The following COL5A2 variants were observed in gnomAD, a reference collection of about 807,000 sequenced individuals.
COL5A2 encodes collagen alpha-2(V) chain.
In COL5A2, 23 loss-of-function variants were observed where a neutral mutation model predicts 208.2. That is an observed-to-expected ratio of 0.11 (90% CI 0.08 to 0.16). The LOEUF is 0.16. Among genes scored for constraint, COL5A2 ranks in the 10% least tolerant of loss-of-function variants. The pLI is 1.00. For missense variants in COL5A2, 1,590 were observed against 1,956.4 expected (o/e 0.81, Z 3.53); for synonymous variants, 625 against 628.5 (o/e 0.99, Z 0.08).
chr2:189,343,844 C>A, the COL5A2 span, among the ~76,000 whole-genome samples: 3 of 152,130 alleles, frequency 2.0e-5, no homozygotes, highest in South Asian at 2.1e-4. Context: ...AGTTTTATAA[C>A]CTTCTGTGCC....
chr2:189,365,538 A>G, the COL5A2 span, among the ~76,000 whole-genome samples: 1 of 152,204 alleles, frequency 6.6e-6, no homozygotes, highest in Non-Finnish European at 1.5e-5. Flanking sequence ...GCTGTTTAAC[A>G]CATTAGTGCC....
At chr2:189,168,717 A>G (rs2105814491) in intron 1 of COL5A2, among the ~76,000 whole-genome samples, 1 of 152,346 alleles carries the variant, frequency 6.6e-6, no homozygotes, top group African/African-American at 2.4e-5. Flanking sequence ...GAATTCCATA[A>G]TAAAAAAAAT....
intron 13 of COL5A2, among the ~76,000 whole-genome samples, chr2:189,080,494 G>C (rs563095140): frequency 1.3e-5 from 2 of 149,040 alleles, no homozygotes; most frequent in South Asian, 4.4e-4. Context: ...TTGATATTAT[G>C]ATAGTTAGAT....
chr2:189,386,082 T>C, the COL5A2 span, among the ~76,000 whole-genome samples: 1 of 152,102 alleles, frequency 6.6e-6, no homozygotes, highest in African/African-American at 2.4e-5. Context: ...TTCACTACCA[T>C]AAGAACAGTA....
At chr2:189,175,378 T>C (rs898622219) in intron 1 of COL5A2, among the ~76,000 whole-genome samples, 1 of 151,930 alleles carries the variant, frequency 6.6e-6, no homozygotes, top group Non-Finnish European at 1.5e-5. Flanking sequence ...TGGCTGGAGC[T>C]TCAGCAGCCA....
intron 1 of COL5A2, among the ~76,000 whole-genome samples, chr2:189,167,327 C>T (rs765242109): frequency 1.3e-5 from 2 of 152,176 alleles, no homozygotes; most frequent in Admixed American, 6.5e-5. Context: ...AACACAAACA[C>T]CCACAGTGAA....
Position 189,066,404 on chromosome 2 carries a change from G to A in COL5A2, c.1549C>T (p.Pro517Ser). The change falls in exon 23 of 54, where the codon CCA (proline) becomes TCA (serine). Residue 517 changes from proline (P) to serine (S), a missense_variant. Pro to Ser is a moderately conservative substitution (Grantham distance 74). Coordinates refer to ENST00000374866, the MANE Select transcript of COL5A2 (RefSeq NM_000393.5). ...TTTAAATTTACCCTTTCTCCCACTG[G>A]CCCTGGAGGACCAACTGTTCCTGGG... is the stretch of plus-strand genomic sequence containing the variant. Reference protein sequence around the residue: ...GDPGTVGPPGPVGERGAPGNR... With the variant: ...GDPGTVGPPGSVGERGAPGNR... 1 of 1,613,846 alleles carries A rather than the reference G, an allele frequency of 6.2e-7. No individual in the cohort carries two copies. Among genetic ancestry groups the A allele is most frequent in the Non-Finnish European group, 8.5e-7 (1 of 1,179,796 alleles).
chr2:189,193,292 T>C (rs1217630460), intron 1 of COL5A2, among the ~76,000 whole-genome samples: 1 of 152,032 alleles, frequency 6.6e-6, no homozygotes, highest in East Asian at 1.9e-4. Flanking sequence ...TAGGATGAAC[T>C]AAAAGAAGAA....
At chr2:189,255,149 G>A in the COL5A2 span, among the ~76,000 whole-genome samples, 1 of 152,192 alleles carries the variant, frequency 6.6e-6, no homozygotes, top group African/African-American at 2.4e-5. Context: ...ACTTTTGGTT[G>A]ATAGGACTCT....
chr2:189,429,095 G>C, the COL5A2 span, among the ~76,000 whole-genome samples: 3 of 152,186 alleles, frequency 2.0e-5, no homozygotes, highest in Non-Finnish European at 4.4e-5. Context: ...GGAATGCTAA[G>C]AGAGTCAATG....
chr2:189,276,308 T>G, the COL5A2 span, among the ~76,000 whole-genome samples: 1 of 152,184 alleles, frequency 6.6e-6, no homozygotes, highest in Non-Finnish European at 1.5e-5. Context: ...TGAAGATGAT[T>G]GTGTTAGGGC....
chr2:189,316,041 AG>A, the COL5A2 span, among the ~76,000 whole-genome samples: 3 of 152,202 alleles, frequency 2.0e-5, no homozygotes, highest in Non-Finnish European at 4.4e-5. Flanking sequence ...CCATTGTGGA[AG>A]ACAGTGTGGC....
At chr2:189,136,992 G>A (rs1455517981) in intron 1 of COL5A2, among the ~76,000 whole-genome samples, 3 of 152,086 alleles carry the variant, frequency 2.0e-5, no homozygotes, top group African/African-American at 7.2e-5. Context: ...GAAGCCAAAT[G>A]TCAAATAAAA....
At chr2:189,434,180 C>T in the COL5A2 span, among the ~76,000 whole-genome samples, 2 of 152,116 alleles carry the variant, frequency 1.3e-5, no homozygotes, top group Non-Finnish European at 2.9e-5. Context: ...GGATGTATCT[C>T]AAAATAATAA....
At chr2:189,347,142 G>T in the COL5A2 span, among the ~76,000 whole-genome samples, 6 of 152,146 alleles carry the variant, frequency 3.9e-5, no homozygotes, top group African/African-American at 1.4e-4. Context: ...TTACAAACTA[G>T]TGTCAAAAAA....
rs1553517181 is a variant in COL5A2, at chr2:189,084,028, C to T, written c.808G>A (p.Gly270Ser). The T allele has an allele frequency of 6.2e-7, 1 of 1,613,218 alleles. No individual in the cohort carries two copies. Among genetic ancestry groups the T allele is most frequent in the Non-Finnish European group, 8.5e-7 (1 of 1,179,258 alleles). Residue 270 changes from glycine (G) to serine (S), a missense_variant, in exon 12 of 54, where the codon GGC (glycine) becomes AGC (serine). By Grantham distance (56) the Gly-to-Ser change is moderately conservative. Coordinates refer to ENST00000374866, the MANE Select transcript of COL5A2 (RefSeq NM_000393.5). ...ACTTCACCAGGATTTCCATTTCTGC[C>T]AGGTTCACCCTTTATGGAAAAAAAT... Reference protein sequence around the residue: ...PGKPGEDGEPGRNGNPGEVGF... With the variant: ...PGKPGEDGEPSRNGNPGEVGF...
the COL5A2 span, among the ~76,000 whole-genome samples, chr2:189,364,142 A>G: frequency 6.6e-6 from 1 of 152,350 alleles, no homozygotes; most frequent in Non-Finnish European, 1.5e-5. Context: ...CAGTTATTAC[A>G]TGAACACACA....
chr2:189,338,965 C>T, the COL5A2 span, among the ~76,000 whole-genome samples: 1 of 152,100 alleles, frequency 6.6e-6, no homozygotes, highest in Non-Finnish European at 1.5e-5. Context: ...CACACCCATA[C>T]CTCCTTTGAT....
At chr2:189,114,143 T>C (rs561465328) in intron 1 of COL5A2, among the ~76,000 whole-genome samples, 32 of 152,348 alleles carry the variant, frequency 2.1e-4, no homozygotes, top group African/African-American at 7.5e-4. Flanking sequence ...TTAGTTGGAA[T>C]GCTTTTAAAT....
Sources: gnomAD v4.1 joint callset for allele counts (sites outside exome capture counted in the v4.1 genomes callset) on GRCh38, gnomAD v4.1.1 for gene constraint, MANE v1.5 for transcripts, NCBI Gene and HGNC (gene_info 2026-07-23, HGNC 2026-07-21) for gene names.